The following THSD7A variants were observed in gnomAD, a reference collection of about 807,000 sequenced individuals.
THSD7A encodes the protein thrombospondin type 1 domain containing 7A.
Under a neutral mutation model 231.3 loss-of-function variants are expected in THSD7A, and 96 were observed. The ratio of observed to expected loss-of-function variants is 0.41; its 90% CI spans 0.35 to 0.49. The LOEUF is 0.49. Ranked by LOEUF, THSD7A falls within the 20% of genes least tolerant of loss-of-function variation. The pLI is 0.05. For missense variants in THSD7A, 2,290 were observed against 2,070.2 expected (o/e 1.11, Z -2.06); for synonymous variants, 940 against 743.3 (o/e 1.26, Z -4.30).
chr7:11,402,595 A>G (rs943552337), intron 22 of THSD7A, among the ~76,000 whole-genome samples: 1 of 152,208 alleles, frequency 6.6e-6, no homozygotes. Flanking sequence ...ATCACATATC[A>G]TAGATGCACA....
intron 8 of THSD7A, among the ~76,000 whole-genome samples, chr7:11,471,580 C>T (rs913989942): frequency 6.6e-6 from 1 of 151,866 alleles, no homozygotes; most frequent in Non-Finnish European, 1.5e-5. Context: ...CTTTAAAACC[C>T]CAGTGTTTAT....
chr7:11,491,288 T>C (rs1048722716), intron 6 of THSD7A, among the ~76,000 whole-genome samples: 3 of 152,066 alleles, frequency 2.0e-5, no homozygotes, highest in Non-Finnish European at 4.4e-5. Flanking sequence ...TTATTTAGAG[T>C]TGGGTTCTAA....
intron 4 of THSD7A, among the ~76,000 whole-genome samples, chr7:11,559,430 G>A (rs999336760): frequency 6.6e-6 from 1 of 152,094 alleles, no homozygotes; most frequent in African/African-American, 2.4e-5. Flanking sequence ...ATATTCTTAG[G>A]AAGGTAAATA....
intron 1 of THSD7A, among the ~76,000 whole-genome samples, chr7:11,747,065 T>A (rs919917125): frequency 2.0e-5 from 3 of 151,958 alleles, no homozygotes; most frequent in South Asian, 2.1e-4. Flanking sequence ...CTTTCTATAA[T>A]AGAAAAGACA....
At chr7:11,392,306 T>C (rs1429691564) in intron 23 of THSD7A, among the ~76,000 whole-genome samples, 2 of 152,068 alleles carry the variant, frequency 1.3e-5, no homozygotes, top group South Asian at 2.1e-4. Context: ...GGGAACTCTC[T>C]CCCCTAGCCA....
chr7:11,522,030 C>A (rs1788287433), intron 6 of THSD7A, among the ~76,000 whole-genome samples: 1 of 152,032 alleles, frequency 6.6e-6, no homozygotes, highest in East Asian at 1.9e-4. Context: ...TTTCTAAGCT[C>A]TTTATGTCCT....
rs1185652554 is a variant in THSD7A, at chr7:11,379,153, G to A, written c.4718C>T (p.Thr1573Ile). ...TMEDKRGDVK[T>I]SRAVHPTQPS... Reference sequence around the variant, plus strand: ...TTGGGTTGGATGTACAGCCCGACTGGTTTTCACATCTCCTCTTTTGTCCTC... The same window carrying A: ...TTGGGTTGGATGTACAGCCCGACTGATTTTCACATCTCCTCTTTTGTCCTC... Residue 1573 changes from threonine (T) to isoleucine (I), a missense_variant, in exon 26 of 28, where the codon ACC (threonine) becomes ATC (isoleucine). Coordinates refer to ENST00000423059, the MANE Select transcript of THSD7A (RefSeq NM_015204.3). The A allele has an allele frequency of 1.2e-6, 2 of 1,613,550 alleles. No homozygotes were observed. The highest frequency in any genetic ancestry group is 1.7e-6 in the Non-Finnish European group (2 of 1,179,708).
intron 4 of THSD7A, among the ~76,000 whole-genome samples, chr7:11,586,140 G>T (rs1333963150): frequency 5.3e-5 from 8 of 151,972 alleles, no homozygotes; most frequent in Non-Finnish European, 1.2e-4. Flanking sequence ...AATAAATTAT[G>T]GAGTGTTTAT....
intron 16 of THSD7A, among the ~76,000 whole-genome samples, chr7:11,422,816 C>T (rs1263294496): frequency 6.6e-6 from 1 of 152,000 alleles, no homozygotes; most frequent in Non-Finnish European, 1.5e-5. Context: ...CCATGTGCAG[C>T]TAATTTTTGT....
At position 11,797,903 on chromosome 7, in the gene THSD7A, C is replaced by A. The variant is rs550624451; in HGVS notation, c.190+33854G>T. Among the ~76,000 whole-genome samples, 80 of 152,010 alleles carry A rather than the reference C, an allele frequency of 5.3e-4. 1 individual carries two copies. The highest frequency in any genetic ancestry group is 8.5e-4 in the Non-Finnish European group (58 of 68,006). ...TAATTAATACAGAGTCATCTAGTTG[C>A]ATTTAATTTAGGATATCGCTTAAGA... On this transcript the variant is annotated intron_variant, in intron 1 of 27. Transcript: ENST00000423059.
rs1203073143 is a variant in THSD7A at position 11,474,685 on chromosome 7, C to G, written c.2018-117G>C. The G allele has an allele frequency of 1.3e-6, 1 of 781,680 alleles. No homozygotes were observed. Among genetic ancestry groups the G allele is most frequent in the East Asian group, 2.7e-5 (1 of 36,544 alleles). 48.4% of individuals were successfully genotyped at this position (781,680 alleles called of 1,614,324 possible). ...AAAAAGTGACTTTTCTTCCCCACAT[C>G]AAGTTCATAAATACACGCAATATTT... On this transcript the variant is annotated intron_variant, in intron 7 of 27. Transcript: ENST00000423059. The surrounding 1 kb of genome is among the most constrained non-coding windows in gnomAD (Gnocchi z 4.1).
At chr7:11,769,134 TATATA>T (rs1783129649) in intron 1 of THSD7A, among the ~76,000 whole-genome samples, 2 of 45,970 alleles carry the variant, frequency 4.4e-5, no homozygotes, top group African/African-American at 7.1e-5. Context: ...TATATATATA[TATATA>T]TATATATATA....
chr7:11,575,340 A>G (rs1296889213), intron 4 of THSD7A, among the ~76,000 whole-genome samples: 2 of 152,218 alleles, frequency 1.3e-5, no homozygotes, highest in Non-Finnish European at 2.9e-5. Context: ...ATGGGTTACA[A>G]GCCAGCAAAC....
At chr7:11,468,794 A>C (rs193250263) in intron 9 of THSD7A, among the ~76,000 whole-genome samples, 3 of 152,278 alleles carry the variant, frequency 2.0e-5, no homozygotes, top group African/African-American at 7.2e-5. Flanking sequence ...AAATTGAGCC[A>C]CTGTACTCCA....
chr7:11,416,128 C>T (rs1783951743), intron 17 of THSD7A, among the ~76,000 whole-genome samples: 1 of 152,158 alleles, frequency 6.6e-6, no homozygotes, highest in Non-Finnish European at 1.5e-5. Flanking sequence ...CCTATCCAAA[C>T]ATTCCTATTG....
Position 11,412,096 on chromosome 7 carries a change from G to C in THSD7A, c.3682+560C>G, listed in dbSNP as rs116287434. 5.0e-3 allele frequency among the ~76,000 whole-genome samples: 767 copies of C among 152,270 alleles called. 8 individuals are homozygous for C. The highest frequency in any genetic ancestry group is 0.018 in the African/African-American group (736 of 41,550). ...CCAATAAAAGATTTTCTTTCCTAGA[G>C]TATGCACCTTGATGGTATTAAATGA... is the stretch of plus-strand genomic sequence containing the variant. On this transcript the variant is annotated intron_variant, in intron 18 of 27. Coordinates refer to ENST00000423059, the MANE Select transcript of THSD7A (RefSeq NM_015204.3).
chr7:11,510,831 T>C lies in THSD7A; in HGVS notation c.1823-28849A>G, dbSNP rs371469845. ...ACAGCCAATATGGGTCTGTCATAAA[T>C]GAATGGGCAAAAACTGGAAGCATTC... is the stretch of plus-strand genomic sequence containing the variant. On this transcript the variant is annotated intron_variant, in intron 6 of 27. Transcript: ENST00000423059. Among the ~76,000 whole-genome samples the C allele has an allele frequency of 2.6e-4, 39 of 152,222 alleles. 2 individuals are homozygous for C. The South Asian group carries it at 7.9e-3, about 31-fold the overall frequency.
At chr7:11,463,786 A>T (rs1014673861) in intron 9 of THSD7A, among the ~76,000 whole-genome samples, 6 of 152,208 alleles carry the variant, frequency 3.9e-5, no homozygotes, top group African/African-American at 1.4e-4. Context: ...AATATAATTT[A>T]TCTAGGGAAG....
rs576043187 is a variant in THSD7A, at chr7:11,738,268, C to A, written c.190+93489G>T. Among the ~76,000 whole-genome samples the A allele has an allele frequency of 3.9e-5, 6 of 152,078 alleles. No individual in the cohort carries two copies. The East Asian group carries it at 1.2e-3, about 30-fold the overall frequency. On this transcript the variant is annotated intron_variant, in intron 1 of 27. Transcript: ENST00000423059. Reference sequence around the variant, plus strand: ...ATCTAAAATGCTCCAGTCAGTATTTCCTTTGAGCATAATGTTGGTGCTCAA... The same window carrying A: ...ATCTAAAATGCTCCAGTCAGTATTTACTTTGAGCATAATGTTGGTGCTCAA...
Sources: allele counts gnomAD v4.1 joint callset (sites outside exome capture counted in the v4.1 genomes callset), GRCh38; gene constraint gnomAD v4.1.1; non-coding constraint Gnocchi (gnomAD v3.1); transcripts MANE v1.5; gene names NCBI Gene and HGNC (gene_info 2026-07-23, HGNC 2026-07-21).